Variants in CNOT2 observed in about 807,000 individuals in gnomAD.
CNOT2 encodes CCR4-NOT transcription complex subunit 2.
Under a neutral mutation model 72.1 loss-of-function variants are expected in CNOT2, and 7 were observed. That is an observed-to-expected ratio of 0.10 (90% CI 0.06 to 0.18). The LOEUF (loss-of-function observed/expected upper bound fraction) is 0.18. Ranked by LOEUF, CNOT2 falls within the 10% of genes least tolerant of loss-of-function variation. The pLI, the probability that CNOT2 is intolerant of heterozygous loss-of-function variation, is 1.00. For missense variants in CNOT2, 345 were observed against 660.3 expected, an observed-to-expected ratio of 0.52 and a Z score of 5.23; for synonymous variants, 196 against 225.6, an observed-to-expected ratio of 0.87 and a Z score of 1.17.
intron 4 of CNOT2, 62 bp downstream of exon 4, chr12:70,319,426 A>G (rs1877917443): frequency 2.7e-6 from 4 of 1,472,526 alleles, no homozygotes; most frequent in African/African-American, 1.4e-5. Context: ...TAACTACCAA[A>G]TAAAGAACAA....
At chr12:70,316,547 A>C (rs1877371167) in intron 3 of CNOT2, among the ~76,000 whole-genome samples, 1 of 152,208 alleles carries the variant, frequency 6.6e-6, no homozygotes, top group African/African-American at 2.4e-5. Context: ...AGTAATTTTA[A>C]GATATGTCTG....
intron 15 of CNOT2, among the ~76,000 whole-genome samples, chr12:70,350,894 G>A (rs750183818): frequency 9.9e-5 from 15 of 152,128 alleles, no homozygotes; most frequent in Admixed American, 6.5e-4. Flanking sequence ...TCTGCAGTGT[G>A]TGTTTCTCTA....
chr12:70,311,151 G>T (rs1876391405), intron 3 of CNOT2, 134 bp downstream of exon 3: 2 of 567,254 alleles, frequency 3.5e-6, no homozygotes, highest in Non-Finnish European at 3.1e-6. Flanking sequence ...TAGTCCCTTT[G>T]GTGCTTGTAT....
intron 9 of CNOT2, chr12:70,337,914 A>T: frequency 3.1e-6 from 1 of 323,392 alleles, no homozygotes; most frequent in South Asian, 2.6e-5. Context: ...AAATATGTTT[A>T]TTTCTTCCAC....
chr12:70,297,594 T>C (rs1873033254), intron 2 of CNOT2, among the ~76,000 whole-genome samples: 1 of 152,240 alleles, frequency 6.6e-6, no homozygotes, highest in Admixed American at 6.5e-5. Flanking sequence ...TGGTTATAAT[T>C]ATCCTAATTC....
At chr12:70,244,724 C>T (rs1220990747) in intron 1 of CNOT2, among the ~76,000 whole-genome samples, 3 of 152,154 alleles carry the variant, frequency 2.0e-5, no homozygotes, top group African/African-American at 4.8e-5. Flanking sequence ...TTGGGCAATT[C>T]CTCATAATTA....
rs942036744 is a variant in CNOT2, at chr12:70,292,841, A to G, written c.48+14567A>G. Among the ~76,000 whole-genome samples, 3 of 152,214 alleles carry G rather than the reference A, an allele frequency of 2.0e-5. 1 individual carries two copies. Among genetic ancestry groups the G allele is most frequent in the Admixed American group, 2.0e-4 (3 of 15,282 alleles). The stretch of plus-strand genomic sequence containing the variant: ...TAGATGCTAACTCAGTGATTATTGA[A>G]TTAGTGTACATGGTGAGATGTTTAG... On this transcript the variant is annotated intron_variant, in intron 2 of 15. Coordinates refer to ENST00000229195, the MANE Select transcript of CNOT2 (RefSeq NM_014515.7).
At chr12:70,293,290 A>G (rs1198268801) in intron 2 of CNOT2, among the ~76,000 whole-genome samples, 4 of 151,740 alleles carry the variant, frequency 2.6e-5, no homozygotes, top group Non-Finnish European at 4.4e-5. Context: ...CCTCCCGAGT[A>G]GCTGGGGTTA....
chr12:70,269,290 CT>C (rs373858702), intron 1 of CNOT2, among the ~76,000 whole-genome samples: 8,184 of 139,142 alleles, frequency 0.059, 440 homozygotes, highest in African/African-American at 0.15. Flanking sequence ...TTTTTTTAAG[CT>C]TTTTTTTTTT....
intron 12 of CNOT2, 29 bp downstream of exon 12, chr12:70,342,197 T>G (rs1027219866): frequency 5.6e-6 from 9 of 1,612,814 alleles, no homozygotes; most frequent in Admixed American, 5.0e-5. Flanking sequence ...GTTTAGACCT[T>G]TTAAAAAGAA....
intron 1 of CNOT2, among the ~76,000 whole-genome samples, chr12:70,268,231 A>G (rs1322063283): frequency 6.6e-6 from 1 of 152,004 alleles, no homozygotes; most frequent in Non-Finnish European, 1.5e-5. Flanking sequence ...CTTTTGATCC[A>G]TGTAGAATTC....
At chr12:70,260,893 T>G (rs1315512148) in intron 1 of CNOT2, among the ~76,000 whole-genome samples, 3 of 151,966 alleles carry the variant, frequency 2.0e-5, no homozygotes. Context: ...CTAGAATCTT[T>G]AGTACAGTAT....
chr12:70,311,019 T>A lies in CNOT2; in HGVS notation c.171+2T>A. 1 of 1,593,594 alleles carries A rather than the reference T, an allele frequency of 6.3e-7. No individual in the cohort carries two copies. On this transcript the variant is annotated splice_donor_variant, in intron 3 of 15. Coordinates refer to ENST00000229195, the MANE Select transcript of CNOT2 (RefSeq NM_014515.7). LOFTEE classifies it high-confidence loss of function. The stretch of plus-strand genomic sequence containing the variant: ...TTTCCACATCGGTCAGAAAAAGATG[T>A]AAGTTAATCAATTATGTTGTATTTT...
intron 1 of CNOT2, among the ~76,000 whole-genome samples, chr12:70,248,508 A>G (rs1166560683): frequency 6.6e-6 from 1 of 152,170 alleles, no homozygotes; most frequent in African/African-American, 2.4e-5. Context: ...AGGTGTTGCC[A>G]TTGGCAGATG....
At chr12:70,251,758 G>A (rs529211985) in intron 1 of CNOT2, among the ~76,000 whole-genome samples, 38 of 152,272 alleles carry the variant, frequency 2.5e-4, no homozygotes, top group African/African-American at 8.7e-4. Context: ...TTGAAACTCT[G>A]TAGTCTATCT....
chr12:70,291,690 C>G (rs1871930218), intron 2 of CNOT2, among the ~76,000 whole-genome samples: 1 of 152,214 alleles, frequency 6.6e-6, no homozygotes, highest in African/African-American at 2.4e-5. Context: ...CTAATCCCAG[C>G]ACTTTGGGAG....
intron 1 of CNOT2, among the ~76,000 whole-genome samples, chr12:70,262,675 G>A (rs773059624): frequency 4.6e-5 from 7 of 150,776 alleles, no homozygotes; most frequent in African/African-American, 1.5e-4. Flanking sequence ...TTTTTTTTCC[G>A]GTTATTTGTG....
intron 11 of CNOT2, among the ~76,000 whole-genome samples, chr12:70,340,878 A>C (rs1881398396): frequency 6.8e-6 from 1 of 146,908 alleles, no homozygotes; most frequent in Admixed American, 7.1e-5. Context: ...TTATGATTAA[A>C]AACCCCAAAT....
chr12:70,250,492 A>G (rs567007487), intron 1 of CNOT2, among the ~76,000 whole-genome samples: 4 of 152,222 alleles, frequency 2.6e-5, no homozygotes, highest in African/African-American at 7.2e-5. Flanking sequence ...GGTGATCCAG[A>G]CAAGTCTCCA....
Sources: allele counts gnomAD v4.1 joint callset (sites outside exome capture counted in the v4.1 genomes callset), GRCh38; gene constraint gnomAD v4.1.1; transcripts MANE v1.5; gene names NCBI Gene and HGNC (gene_info 2026-07-23, HGNC 2026-07-21).